ARHGEF9: variants seen among roughly 807,000 people sequenced by gnomAD.
ARHGEF9 encodes the protein Cdc42 guanine nucleotide exchange factor 9.
Under a neutral mutation model 41.3 loss-of-function variants are expected in ARHGEF9, and 2 were observed. The observed-to-expected ratio is 0.05, with a 90% CI of 0.02 to 0.15. The LOEUF (loss-of-function observed/expected upper bound fraction) is 0.15. Among genes scored for constraint, ARHGEF9 ranks in the 10% least tolerant of loss-of-function variants. The pLI, the probability that ARHGEF9 is intolerant of heterozygous loss-of-function variation, is 1.00. For synonymous variants in ARHGEF9, 160 were observed against 154.4 expected (o/e 1.04, Z -0.27); for missense variants, 225 against 424.7 (o/e 0.53, Z 4.13).
chrX:63,697,030 G>A lies in ARHGEF9; in HGVS notation c.582+95C>T, dbSNP rs1396943704. 16 of 982,618 alleles carry A rather than the reference G, an allele frequency of 1.6e-5. No homozygotes were observed. In the Admixed American group the frequency reaches 4.1e-4, roughly 25 times the overall value. 81.0% of individuals were successfully genotyped at this position (982,618 alleles called of 1,213,427 possible). On this transcript the variant is annotated intron_variant, in intron 4 of 9. Coordinates refer to ENST00000671741, the MANE Select transcript of ARHGEF9 (RefSeq NM_001353921.2). ...AAGAGGAACCCATTCCCCACTGCAG[G>A]AAAAAGGAGCTGAACAGAACCAGAC...
At chrX:63,752,473 A>C (rs1196453571) in intron 1 of ARHGEF9, among the ~76,000 whole-genome samples, 11 of 112,087 alleles carry the variant, frequency 9.8e-5, no homozygotes, top group African/African-American at 3.6e-4. Context: ...AAAAGATATA[A>C]GCTTACTTTA....
chrX:63,720,850 A>G, intron 2 of ARHGEF9, among the ~76,000 whole-genome samples: 1 of 112,493 alleles, frequency 8.9e-6, no homozygotes, highest in African/African-American at 3.2e-5. Context: ...TTTTAAATAT[A>G]AAGAGTTTTA....
chrX:63,754,202 G>C (rs1378676478), intron 1 of ARHGEF9: 1 of 946,524 alleles, frequency 1.1e-6, no homozygotes, highest in African/African-American at 1.9e-5. Flanking sequence ...TAAATAGAAA[G>C]CATTTCTTCA....
intron 1 of ARHGEF9, among the ~76,000 whole-genome samples, chrX:63,764,561 A>C (rs11798480): frequency 9.8e-5 from 11 of 112,466 alleles, no homozygotes; most frequent in Non-Finnish European, 1.7e-4. Context: ...AAAGACATGG[A>C]ATCAACCCAA....
chrX:63,741,734 C>T (rs1265995475), intron 1 of ARHGEF9, among the ~76,000 whole-genome samples: 6 of 112,730 alleles, frequency 5.3e-5, no homozygotes, highest in African/African-American at 1.6e-4. Flanking sequence ...CATGCAGATG[C>T]GTACAAGTAT....
intron 6 of ARHGEF9, among the ~76,000 whole-genome samples, chrX:63,668,480 T>C (rs1364614959): frequency 9.0e-6 from 1 of 111,045 alleles, no homozygotes. Context: ...CTCCACCAAT[T>C]AGAAAAAAAA....
At chrX:63,782,040 C>T (rs1289983940) in intron 1 of ARHGEF9, among the ~76,000 whole-genome samples, 2 of 111,862 alleles carry the variant, frequency 1.8e-5, no homozygotes, top group African/African-American at 6.5e-5. Context: ...TCCCATGTGT[C>T]TCTATGCTCT....
chrX:63,669,216 C>A (rs1556352403), intron 6 of ARHGEF9, among the ~76,000 whole-genome samples: 1 of 111,511 alleles, frequency 9.0e-6, no homozygotes, highest in Admixed American at 9.6e-5. Context: ...TAACACATCT[C>A]TTTGTCTTGC....
intron 1 of ARHGEF9, among the ~76,000 whole-genome samples, chrX:63,782,430 T>A (rs1409250822): frequency 8.9e-6 from 1 of 112,316 alleles, no homozygotes; most frequent in Non-Finnish European, 1.9e-5. Context: ...GCATACTGGC[T>A]AACCCAGCAC....
rs1256810084 is a variant in ARHGEF9, at chrX:63,665,170, GT to G, written c.1077+715del. On this transcript the variant is annotated intron_variant, in intron 7 of 9. Coordinates refer to ENST00000671741, the MANE Select transcript of ARHGEF9 (RefSeq NM_001353921.2). ...CTCTACTGTGAGTGAGGAAGTAGGG[GT>G]AAGAGTATCCCATAAGGAGGAGTGA... is the stretch of plus-strand genomic sequence containing the variant. Among the ~76,000 whole-genome samples the G allele has an allele frequency of 1.9e-4, 21 of 112,336 alleles. No individual in the cohort carries two copies. The Admixed American group carries it at 2.0e-3, about 11-fold the overall frequency.
rs138235892 is a variant in ARHGEF9, at chrX:63,712,013, T to A, written c.211-5564A>T. 3.5e-3 allele frequency among the ~76,000 whole-genome samples: 391 copies of A among 112,007 alleles called. 1 individual carries two copies. The highest frequency in any genetic ancestry group is 6.0e-3 in the Non-Finnish European group (318 of 53,080). On this transcript the variant is annotated intron_variant, in intron 2 of 9. Transcript: ENST00000671741. ...GACATATAAATGGCCAATAAATACATGAAAAGATGCTCAATATCATTAGCC... is the reference window on the plus strand; with the variant it reads ...GACATATAAATGGCCAATAAATACAAGAAAAGATGCTCAATATCATTAGCC...
At chrX:63,674,491 C>T (rs1198313000) in intron 5 of ARHGEF9, among the ~76,000 whole-genome samples, 24 of 111,649 alleles carry the variant, frequency 2.1e-4, no homozygotes, top group African/African-American at 7.8e-4. Flanking sequence ...AGCGGCTGGC[C>T]GAGTTAGGTC....
chrX:63,661,603 A>G, intron 7 of ARHGEF9, among the ~76,000 whole-genome samples: 1 of 112,385 alleles, frequency 8.9e-6, no homozygotes, highest in East Asian at 2.8e-4. Flanking sequence ...ACAGAGTCTT[A>G]TCTGGATTTT....
chrX:63,726,158 A>G (rs1175832232), intron 1 of ARHGEF9, among the ~76,000 whole-genome samples: 1 of 111,893 alleles, frequency 8.9e-6, no homozygotes, highest in Non-Finnish European at 1.9e-5. Context: ...CTTCCACAGA[A>G]GGTAAGGCAT....
chrX:63,754,114 G>A (rs1329789763), intron 1 of ARHGEF9, among the ~76,000 whole-genome samples: 1 of 111,954 alleles, frequency 8.9e-6, no homozygotes, highest in Non-Finnish European at 1.9e-5. Flanking sequence ...ACCACAGACA[G>A]CAAAGCCACT....
intron 1 of ARHGEF9, among the ~76,000 whole-genome samples, chrX:63,749,764 G>T (rs190567469): frequency 1.5e-3 from 163 of 112,407 alleles, no homozygotes; most frequent in Admixed American, 3.9e-3. Context: ...CACTGATAAG[G>T]AGTTATTAGT....
intron 4 of ARHGEF9, among the ~76,000 whole-genome samples, chrX:63,691,780 G>A (rs1382751895): frequency 9.0e-6 from 1 of 111,037 alleles, no homozygotes; most frequent in African/African-American, 3.3e-5. Flanking sequence ...AAAGCTGGAG[G>A]CATCACACTA....
intron 1 of ARHGEF9, among the ~76,000 whole-genome samples, chrX:63,739,420 G>GC (rs1369999536): frequency 9.0e-6 from 1 of 111,557 alleles, no homozygotes; most frequent in African/African-American, 3.3e-5. Flanking sequence ...GTAAAGCTGT[G>GC]CCCCAGAGAA....
At chrX:63,755,140 G>T in intron 1 of ARHGEF9, 2 of 938,865 alleles carry the variant, frequency 2.1e-6, no homozygotes, top group South Asian at 5.9e-5. Flanking sequence ...TCAGCCCATA[G>T]GCTGCCTTTT....
Sources: allele counts gnomAD v4.1 joint callset (sites outside exome capture counted in the v4.1 genomes callset), GRCh38; gene constraint gnomAD v4.1.1; transcripts MANE v1.5; gene names NCBI Gene and HGNC (gene_info 2026-07-23, HGNC 2026-07-21).